Variants in ZNF780B observed in about 807,000 individuals in gnomAD.
ZNF780B encodes the protein zinc finger protein 780B, also known as zinc finger protein 779.
Under a neutral mutation model 74.1 loss-of-function variants are expected in ZNF780B, and 52 were observed. The observed-to-expected ratio is 0.70, with a 90% CI of 0.56 to 0.88. The LOEUF is 0.88. Ranked by LOEUF, ZNF780B falls within the 40% of genes least tolerant of loss-of-function variation. The pLI is 0.00. For missense variants in ZNF780B, 953 were observed against 1,007.6 expected (o/e 0.95, Z 0.73); for synonymous variants, 315 against 324.3 (o/e 0.97, Z 0.31).
At chr19:40,048,505 C>T (rs1327954489) in intron 3 of ZNF780B, among the ~76,000 whole-genome samples, 165 bp downstream of exon 3, 7 of 152,170 alleles carry the variant, frequency 4.6e-5, no homozygotes, top group Admixed American at 6.5e-5. Flanking sequence ...GATGCAGAGG[C>T]TCCAAGGAGG....
chr19:40,054,001 A>C (rs1403230902), intron 1 of ZNF780B, among the ~76,000 whole-genome samples: 2 of 152,204 alleles, frequency 1.3e-5, no homozygotes, highest in Non-Finnish European at 2.9e-5. Context: ...AAAAATACAA[A>C]AATAAGCTGG....
At chr19:40,055,055 T>A (rs1973425440) in intron 1 of ZNF780B, among the ~76,000 whole-genome samples, 1 of 152,140 alleles carries the variant, frequency 6.6e-6, no homozygotes, top group South Asian at 2.1e-4. Context: ...TCTTCCCTAC[T>A]TGGAAAAGGA....
In ZNF780B at chr19:40,034,972, A is replaced by T. The variant is rs752243392; in HGVS notation, c.1887T>A (p.Asn629Lys). 1.2e-6 allele frequency: 2 copies of T among 1,614,094 alleles called. No individual in the cohort carries two copies. The highest frequency in any genetic ancestry group is 1.7e-6 in the Non-Finnish European group (2 of 1,180,002). ...GKAFSLHTQL[N>K]HHKNIHTGEK... ...CACCTGTGTGAATGTTCTTATGGTGATTAAGCTGGGTGTGAAGACTGAAGG... is the reference window on the plus strand; with the variant it reads ...CACCTGTGTGAATGTTCTTATGGTGTTTAAGCTGGGTGTGAAGACTGAAGG... Residue 629 changes from asparagine (N) to lysine (K), a missense_variant, in exon 5 of 5, where the codon AAT becomes AAA. By Grantham distance (94) the Asn-to-Lys change is moderately conservative. Transcript: ENST00000434248.
At chr19:40,036,708 G>T in intron 4 of ZNF780B, 82 bp from the exon 5 acceptor site, 1 of 843,850 alleles carries the variant, frequency 1.2e-6, no homozygotes, top group Non-Finnish European at 1.8e-6. Context: ...AATGGCCTAA[G>T]TATAAAATAT....
intron 4 of ZNF780B, 59 bp downstream of exon 4, chr19:40,047,316 A>G (rs1972975688): frequency 6.9e-7 from 1 of 1,441,664 alleles, no homozygotes. Flanking sequence ...CTCCTCTCTG[A>G]GCACATGGGC....
intron 4 of ZNF780B, among the ~76,000 whole-genome samples, chr19:40,037,867 T>C (rs767891999): frequency 6.7e-6 from 1 of 149,406 alleles, no homozygotes; most frequent in Non-Finnish European, 1.5e-5. Context: ...GTAACAAACA[T>C]CCAACTCCTC....
intron 4 of ZNF780B, among the ~76,000 whole-genome samples, chr19:40,042,929 G>A (rs921165265): frequency 6.6e-6 from 1 of 152,170 alleles, no homozygotes; most frequent in Admixed American, 6.5e-5. Flanking sequence ...GTCCAGCTTT[G>A]TTCCATTGCT....
chr19:40,037,430 TTTTTACTTTA>T (rs1427033569), intron 4 of ZNF780B, among the ~76,000 whole-genome samples: 1 of 152,020 alleles, frequency 6.6e-6, no homozygotes. Context: ...GTCTGGCTAA[TTTTTACTTTA>T]TTTTTATTTT....
intron 2 of ZNF780B, 100 bp downstream of exon 2, chr19:40,050,219 AAAAAT>A: frequency 8.5e-7 from 1 of 1,182,660 alleles, no homozygotes; most frequent in Non-Finnish European, 1.2e-6. Flanking sequence ...AAAAAAAAAA[AAAAAT>A]CGTGGATCCT....
rs1039310872 is a variant in ZNF780B, at chr19:40,029,604, C to G, written c.*4753G>C. 2.6e-5 allele frequency: 4 copies of G among 153,710 alleles called. No individual in the cohort carries two copies. Among genetic ancestry groups the G allele is most frequent in the African/African-American group, 7.2e-5 (3 of 41,476 alleles). 9.5% of individuals were successfully genotyped at this position (153,710 alleles called of 1,614,324 possible). The stretch of plus-strand genomic sequence containing the variant: ...ACTATTAAAAGAATTCTAACAAAAG[C>G]AGCATCTTTTTTTCCATACCTGTAA... On this transcript the variant is annotated 3_prime_UTR_variant, in exon 5 of 5. Transcript: ENST00000434248.
chr19:40,039,158 T>G (rs1432599804), intron 4 of ZNF780B, among the ~76,000 whole-genome samples: 26 of 152,144 alleles, frequency 1.7e-4, no homozygotes, highest in African/African-American at 5.8e-4. Context: ...GCACCATTTA[T>G]TAAATAGGGA....
In ZNF780B at chr19:40,031,910, C is replaced by A. The variant is rs528901214; in HGVS notation, c.*2447G>T. 1.5e-4 allele frequency: 50 copies of A among 326,098 alleles called. No homozygotes were observed. Among genetic ancestry groups the A allele is most frequent in the South Asian group, 1.3e-3 (48 of 38,270 alleles). 20.2% of individuals were successfully genotyped at this position (326,098 alleles called of 1,614,324 possible). On this transcript the variant is annotated 3_prime_UTR_variant, in exon 5 of 5. Coordinates refer to ENST00000434248, the MANE Select transcript of ZNF780B (RefSeq NM_001005851.3). ...GACTTACGGCGGTTACCAGCTTACC[C>A]AAATGATCATCCTTAGTTTCACTAA...
At position 40,036,108 on chromosome 19, in the gene ZNF780B, A is replaced by C; in HGVS notation, c.751T>G (p.Cys251Gly). ...TTAAAAGACTTCCCACATTCCTTAC[A>C]TTCAAACAGTTTCTTAACTGTGTGA... ...NIHTVKKLFE[C>G]KECGKSFNRS... The change falls in exon 5 of 5, where the codon TGT becomes GGT. Residue 251 changes from cysteine (C) to glycine (G), a missense_variant. By Grantham distance (159) the Cys-to-Gly change is radical (BLOSUM62 -3). Coordinates refer to ENST00000434248, the MANE Select transcript of ZNF780B (RefSeq NM_001005851.3). The C allele has an allele frequency of 6.2e-7, 1 of 1,613,674 alleles. No individual in the cohort carries two copies. The highest frequency in any genetic ancestry group is 1.1e-5 in the South Asian group (1 of 90,944).
At position 40,036,374 on chromosome 19, in the gene ZNF780B, T is replaced by C. The variant is rs374347990; in HGVS notation, c.485A>G (p.His162Arg). Residue 162 changes from histidine to arginine, a missense_variant, in exon 5 of 5, where the codon CAT (histidine) becomes CGT (arginine). By Grantham distance (29) the His-to-Arg change is conservative. Transcript: ENST00000434248. ...ACATTCCTTACATTCATATGGTTTA[T>C]GTGTATTATGAATAGGAGAAGCATG... ...YTHASPIHNT[H>R]KPYECKECGK... 6 of 1,611,950 alleles carry C rather than the reference T, an allele frequency of 3.7e-6. No individual in the cohort carries two copies. The highest frequency in any genetic ancestry group is 5.1e-6 in the Non-Finnish European group (6 of 1,179,468).
In ZNF780B at chr19:40,029,225, C is replaced by T. The variant is rs930265910; in HGVS notation, c.*5132G>A. ...CCTCATACCCCAAGCTGGATGATCA[C>T]AATACCCTGTAAAAGGATGACAGAA... is the stretch of plus-strand genomic sequence containing the variant. On this transcript the variant is annotated 3_prime_UTR_variant, in exon 5 of 5. Coordinates refer to ENST00000434248, the MANE Select transcript of ZNF780B (RefSeq NM_001005851.3). 6.6e-6 allele frequency: 1 copy of T among 152,344 alleles called. No homozygotes were observed. Among genetic ancestry groups the T allele is most frequent in the Non-Finnish European group, 1.5e-5 (1 of 68,116 alleles). The allele number at this position is 152,344 out of a possible 1,614,324, so 9.4% of individuals were successfully genotyped here.
At position 40,048,774 on chromosome 19, in the gene ZNF780B, A is replaced by C; in HGVS notation, c.32T>G (p.Val11Gly). The C allele has an allele frequency of 1.2e-6, 2 of 1,614,206 alleles. No individual in the cohort carries two copies. The highest frequency in any genetic ancestry group is 2.2e-5 in the South Asian group (2 of 91,082). The change falls in exon 3 of 5, where the codon GTG becomes GGG. Residue 11 changes from valine to glycine, a missense_variant. Val to Gly is a moderately radical substitution (Grantham distance 109). Coordinates refer to ENST00000434248, the MANE Select transcript of ZNF780B (RefSeq NM_001005851.3). Reference sequence around the variant, plus strand: ...CTCCTCCTGAGAGAAGTCAATGGCCACATCCCTGAATGTCACTGATCCCTG... The same window carrying C: ...CTCCTCCTGAGAGAAGTCAATGGCCCCATCCCTGAATGTCACTGATCCCTG... MVHGSVTFRDVAIDFSQEEWE... is the reference protein window; with the variant it reads MVHGSVTFRDGAIDFSQEEWE...
At chr19:40,041,981 G>C (rs1188376058) in intron 4 of ZNF780B, among the ~76,000 whole-genome samples, 1 of 152,098 alleles carries the variant, frequency 6.6e-6, no homozygotes, top group East Asian at 1.9e-4. Context: ...CTCATTACTT[G>C]ATGCAGTTTC....
intron 4 of ZNF780B, among the ~76,000 whole-genome samples, chr19:40,042,589 C>T (rs926898470): frequency 4.6e-5 from 7 of 152,184 alleles, no homozygotes; most frequent in Admixed American, 3.9e-4. Context: ...TTCTTGGAGG[C>T]TTTGTTCATT....
At chr19:40,043,267 C>A (rs1264708047) in intron 4 of ZNF780B, among the ~76,000 whole-genome samples, 9 of 152,154 alleles carry the variant, frequency 5.9e-5, no homozygotes, top group Non-Finnish European at 1.2e-4. Context: ...GCTGCCTGAT[C>A]GTTCCTCTGG....
Sources: allele counts gnomAD v4.1 joint callset (sites outside exome capture counted in the v4.1 genomes callset), GRCh38; gene constraint gnomAD v4.1.1; transcripts MANE v1.5; gene names NCBI Gene and HGNC (gene_info 2026-07-23, HGNC 2026-07-21).